SETD2: variants seen among roughly 807,000 people sequenced by gnomAD.
SETD2 encodes SET domain containing 2, histone lysine methyltransferase.
In SETD2, 31 loss-of-function variants were observed where a neutral mutation model predicts 242.1. The ratio of observed to expected loss-of-function variants is 0.13; its 90% CI spans 0.10 to 0.17. The LOEUF is 0.17. Ranked by LOEUF, SETD2 falls within the 10% of genes least tolerant of loss-of-function variation. The probability of loss-of-function intolerance (pLI) is 1.00; values close to 1 mark genes in which losing one functional copy is unlikely to be tolerated. For missense variants in SETD2, 2,481 were observed against 3,046.3 expected, an observed-to-expected ratio of 0.81 and a Z score of 4.37; for synonymous variants, 1,006 against 1,066.5, an observed-to-expected ratio of 0.94 and a Z score of 1.11.
At chr3:47,144,220 G>A (rs2043800734) in intron 1 of SETD2, among the ~76,000 whole-genome samples, 1 of 152,148 alleles carries the variant, frequency 6.6e-6, no homozygotes, top group Non-Finnish European at 1.5e-5. Flanking sequence ...GAAGCCAGGT[G>A]CAGTGACTCA....
At chr3:47,095,850 C>G (rs1205664781) in intron 9 of SETD2, among the ~76,000 whole-genome samples, 4 of 151,710 alleles carry the variant, frequency 2.6e-5, no homozygotes, top group Non-Finnish European at 5.9e-5. Context: ...TGTTCATCTA[C>G]ATATATGAAT....
At chr3:47,025,740 A>T (rs1164931850) in intron 18 of SETD2, among the ~76,000 whole-genome samples, 1 of 152,092 alleles carries the variant, frequency 6.6e-6, no homozygotes, top group Non-Finnish European at 1.5e-5. Context: ...TACATCTCAA[A>T]CCATGTATCT....
At chr3:47,099,245 A>T (rs982641156) in intron 8 of SETD2, among the ~76,000 whole-genome samples, 12 of 152,232 alleles carry the variant, frequency 7.9e-5, no homozygotes, top group Non-Finnish European at 1.3e-4. Context: ...GCATTAAAAG[A>T]ATTAAAATAT....
intron 1 of SETD2, among the ~76,000 whole-genome samples, chr3:47,162,822 T>G (rs894056667): frequency 3.3e-5 from 5 of 152,170 alleles, no homozygotes; most frequent in African/African-American, 9.7e-5. Context: ...AAAACAATGG[T>G]CTCGTGAGGG....
chr3:47,059,848 T>C (rs2040258971), intron 14 of SETD2, among the ~76,000 whole-genome samples: 1 of 150,690 alleles, frequency 6.6e-6, no homozygotes, highest in South Asian at 2.1e-4. Context: ...GCATGGTGTG[T>C]TCTCACCTCA....
intron 10 of SETD2, among the ~76,000 whole-genome samples, chr3:47,086,567 T>C (rs1041858666): frequency 9.2e-5 from 14 of 152,306 alleles, no homozygotes; most frequent in African/African-American, 3.1e-4. Flanking sequence ...GAAAATTATA[T>C]GAATATTAAT....
intron 13 of SETD2, 80 bp from the exon 14 acceptor site, chr3:47,062,426 C>T (rs2040378460): frequency 7.8e-7 from 1 of 1,278,150 alleles, no homozygotes; most frequent in Non-Finnish European, 1.1e-6. Flanking sequence ...GACAATGTAT[C>T]AACTGTATAA....
chr3:47,060,466 T>A (rs1276905041), intron 14 of SETD2, among the ~76,000 whole-genome samples: 1 of 152,094 alleles, frequency 6.6e-6, no homozygotes, highest in Non-Finnish European at 1.5e-5. Flanking sequence ...GCTACAGTCA[T>A]CATGAGCCCC....
intron 7 of SETD2, among the ~76,000 whole-genome samples, chr3:47,103,054 G>C (rs984655286): frequency 6.6e-6 from 1 of 151,968 alleles, no homozygotes; most frequent in Admixed American, 6.6e-5. Flanking sequence ...ATTGGAATAC[G>C]GTCTTCATAT....
rs202016239 is a variant in SETD2, at chr3:47,123,284, G to C, written c.1352C>G (p.Thr451Arg). ...AGAACTCTCTCGTGCTCTGTTATCT[G>C]TGTATGGCCGAGAATAGCGCGTCCT... ...RERTRYSRPY[T>R]DNRARESSDS... The change falls in exon 3 of 21, where the codon ACA becomes AGA. Residue 451 changes from threonine to arginine, a missense_variant. By Grantham distance (71) the Thr-to-Arg change is moderately conservative. Transcript: ENST00000409792. 2 of 1,552,100 alleles carry C rather than the reference G, an allele frequency of 1.3e-6. No homozygotes were observed. Among genetic ancestry groups the C allele is most frequent in the Admixed American group, 2.0e-5 (1 of 51,026 alleles).
chr3:47,126,468 C>T (rs945081972), intron 2 of SETD2, among the ~76,000 whole-genome samples, 180 bp downstream of exon 2: 1 of 152,176 alleles, frequency 6.6e-6, no homozygotes, highest in Non-Finnish European at 1.5e-5. Flanking sequence ...TTCTGAGATA[C>T]ACAACATCCC....
intron 1 of SETD2, among the ~76,000 whole-genome samples, chr3:47,152,071 T>G (rs1205762070): frequency 6.6e-6 from 1 of 152,176 alleles, no homozygotes; most frequent in African/African-American, 2.4e-5. Flanking sequence ...CTTTTCATAA[T>G]TGTGACAACT....
At chr3:47,046,307 A>G (rs1170558353) in intron 16 of SETD2, among the ~76,000 whole-genome samples, 180 bp downstream of exon 16, 1 of 150,906 alleles carries the variant, frequency 6.6e-6, no homozygotes, top group Admixed American at 6.6e-5. Flanking sequence ...GCTGCACTCC[A>G]GCCTGGGTGA....
intron 12 of SETD2, chr3:47,080,980 G>A (rs997720586): frequency 4.1e-6 from 4 of 986,824 alleles, no homozygotes; most frequent in Non-Finnish European, 4.8e-6. Context: ...CAGAATGCAC[G>A]CTAGGTTCTC....
At chr3:47,093,321 T>C (rs1269354717) in intron 9 of SETD2, among the ~76,000 whole-genome samples, 2 of 150,498 alleles carry the variant, frequency 1.3e-5, no homozygotes, top group Admixed American at 6.6e-5. Flanking sequence ...CTTCACTCTG[T>C]CGCCCAGGTA....
At position 47,057,513 on chromosome 3, in the gene SETD2, A is replaced by G. The variant is rs1282162267; in HGVS notation, c.6294-23T>C. 2.5e-6 allele frequency: 4 copies of G among 1,584,628 alleles called. No individual in the cohort carries two copies. In the African/African-American group the frequency reaches 5.4e-5, roughly 21 times the overall value. On this transcript the variant is annotated intron_variant, in intron 14 of 20. Coordinates refer to ENST00000409792, the MANE Select transcript of SETD2 (RefSeq NM_014159.7). The stretch of plus-strand genomic sequence containing the variant: ...TATCTAGAAAGAAAATAAGGACCAC[A>G]AAAAGTTGCTCCCTAAATCATAGAC...
chr3:47,071,596 G>A (rs573322076), intron 12 of SETD2, among the ~76,000 whole-genome samples: 1 of 151,688 alleles, frequency 6.6e-6, no homozygotes, highest in Non-Finnish European at 1.5e-5. Context: ...ACAGGCTAAA[G>A]CAAAAGATCA....
intron 17 of SETD2, among the ~76,000 whole-genome samples, chr3:47,041,610 TAA>T: frequency 6.6e-6 from 1 of 152,162 alleles, no homozygotes; most frequent in East Asian, 1.9e-4. Flanking sequence ...ACAATTTACG[TAA>T]GATTATATAG....
rs906906557 is a variant in SETD2, at chr3:47,103,272, A to G, written c.4917+74T>C. The G allele has an allele frequency of 1.2e-5, 11 of 944,986 alleles. No individual in the cohort carries two copies. The Admixed American group carries it at 1.8e-4, about 16-fold the overall frequency. 58.5% of individuals were successfully genotyped at this position (944,986 alleles called of 1,614,324 possible). On this transcript the variant is annotated intron_variant, in intron 7 of 20. Transcript: ENST00000409792. ...TAAAAAATTCATGAGTACCTTAGAT[A>G]TGGGATCTAAAATTAATGGTCAGAA...
Sources: gnomAD v4.1 joint callset for allele counts (sites outside exome capture counted in the v4.1 genomes callset) on GRCh38, gnomAD v4.1.1 for gene constraint, MANE v1.5 for transcripts, NCBI Gene and HGNC (gene_info 2026-07-23, HGNC 2026-07-21) for gene names.